PPP2R2C: variants seen among roughly 807,000 people sequenced by gnomAD.
The protein encoded by PPP2R2C is protein phosphatase 2, regulatory subunit B, gamma.
PPP2R2C carries 10 observed loss-of-function variants against 45.3 expected under a neutral mutation model. The ratio of observed to expected loss-of-function variants is 0.22; its 90% CI spans 0.14 to 0.37. The LOEUF (loss-of-function observed/expected upper bound fraction) is 0.37. Among genes scored for constraint, PPP2R2C ranks in the 10% least tolerant of loss-of-function variants. PPP2R2C has a pLI of 1.00. For synonymous variants in PPP2R2C, 257 were observed against 245.4 expected, an observed-to-expected ratio of 1.05 and a Z score of -0.44; for missense variants, 308 against 619.7, an observed-to-expected ratio of 0.50 and a Z score of 5.34.
intron 2 of PPP2R2C, among the ~76,000 whole-genome samples, chr4:6,512,490 G>T (rs942429691): frequency 8.1e-6 from 1 of 124,034 alleles, no homozygotes; most frequent in Admixed American, 8.8e-5. Context: ...TGGTGATGGT[G>T]ATGGTGGTGG....
chr4:6,459,631 C>T (rs1005590116), intron 1 of PPP2R2C, among the ~76,000 whole-genome samples: 1 of 152,142 alleles, frequency 6.6e-6, no homozygotes, highest in Non-Finnish European at 1.5e-5. Flanking sequence ...GAAGTTCAAT[C>T]TCACTGAAAA....
rs1248926651 is a variant in PPP2R2C, at chr4:6,378,915, G to A, written c.169-343C>T. ...CAGGCCTCCTCTGCTTGAGCACCAC[G>A]ACTCTCCCCATTTCACAGACCAGCA... is the stretch of plus-strand genomic sequence containing the variant. On this transcript the variant is annotated intron_variant, in intron 2 of 8. Transcript: ENST00000382599. This position sits in a 1 kb window ranked among gnomAD's most constrained non-coding sequence, Gnocchi z 5.2. Among the ~76,000 whole-genome samples, 2 of 151,500 alleles carry A rather than the reference G, an allele frequency of 1.3e-5. No homozygotes were observed. Among genetic ancestry groups the A allele is most frequent in the Non-Finnish European group, 2.9e-5 (2 of 67,930 alleles).
intron 5 of PPP2R2C, among the ~76,000 whole-genome samples, chr4:6,369,924 G>A (rs923673191): frequency 3.4e-5 from 5 of 146,466 alleles, no homozygotes; most frequent in African/African-American, 1.4e-4. Flanking sequence ...GTAGAAAGGC[G>A]TGGGGAATGA....
Position 6,348,027 on chromosome 4 carries a change from C to G in PPP2R2C, c.626-17G>C. ...CCACGATGTCTGGGGGCAGTGCGGT[C>G]AAGGAAGGGGCAGTGAAGGGCGCCC... On this transcript the variant is annotated splice_polypyrimidine_tract_variant and intron_variant, in intron 5 of 8. Coordinates refer to ENST00000382599, the MANE Select transcript of PPP2R2C (RefSeq NM_020416.4). 6.2e-7 allele frequency: 1 copy of G among 1,612,078 alleles called. No individual in the cohort carries two copies. The highest frequency in any genetic ancestry group is 8.5e-7 in the Non-Finnish European group (1 of 1,178,682).
At chr4:6,531,973 C>T (rs1724418382) in intron 2 of PPP2R2C, among the ~76,000 whole-genome samples, 1 of 152,198 alleles carries the variant, frequency 6.6e-6, no homozygotes, top group African/African-American at 2.4e-5. Flanking sequence ...GTGATAGAAC[C>T]CACCCAGTAT....
Position 6,527,367 on chromosome 4 carries a change from T to C in PPP2R2C, c.49+7904A>G, listed in dbSNP as rs1341373198. On this transcript the variant is annotated intron_variant, in intron 2 of 9. Coordinates refer to the PPP2R2C transcript ENST00000506140. ...CTGGTGTGAGATAAACCCACAGAGC[T>C]GCTGTGCACCCCTGAGCAGTGCCAG... Among the ~76,000 whole-genome samples, 6 of 152,172 alleles carry C rather than the reference T, an allele frequency of 3.9e-5. No individual in the cohort carries two copies. In the South Asian group the frequency reaches 8.3e-4, roughly 21 times the overall value.
At chr4:6,534,527 A>G (rs1258372748) in intron 2 of PPP2R2C, among the ~76,000 whole-genome samples, 1 of 151,920 alleles carries the variant, frequency 6.6e-6, no homozygotes, top group Non-Finnish European at 1.5e-5. Flanking sequence ...ATCAATAAAC[A>G]CATCAATACA....
chr4:6,537,810 A>G (rs898383073), intron 1 of PPP2R2C, among the ~76,000 whole-genome samples: 3 of 152,152 alleles, frequency 2.0e-5, no homozygotes, highest in Admixed American at 6.5e-5. Context: ...TCGGCCTCCC[A>G]AAGTGCTGGG....
intron 5 of PPP2R2C, among the ~76,000 whole-genome samples, chr4:6,370,183 T>C (rs2109290084): frequency 6.6e-6 from 1 of 152,328 alleles, no homozygotes; most frequent in South Asian, 2.1e-4. Flanking sequence ...GGACCAGGCA[T>C]GGAGGCCCGA....
intron 1 of PPP2R2C, chr4:6,383,304 A>C: frequency 7.8e-7 from 1 of 1,275,454 alleles, no homozygotes; most frequent in Non-Finnish European, 1.0e-6. Flanking sequence ...GGGCAAGCCC[A>C]GCCAAGCCCA....
At chr4:6,463,791 C>T (rs1445210072) in intron 1 of PPP2R2C, among the ~76,000 whole-genome samples, 1 of 152,208 alleles carries the variant, frequency 6.6e-6, no homozygotes, top group Non-Finnish European at 1.5e-5. Context: ...ACCACGTGTC[C>T]AATTGTGGCC....
At chr4:6,475,174 T>TGGAGATGGAGATGAAC (rs1367479048), upstream of PPP2R2C, among the ~76,000 whole-genome samples, 2 of 151,558 alleles carry the variant, frequency 1.3e-5, no homozygotes, top group East Asian at 1.9e-4. Context: ...AAGGCGGGAA[T>TGGAGATGGAGATGAAC]GGAGATGGAG....
chr4:6,357,424 G>A (rs961361528), intron 5 of PPP2R2C, among the ~76,000 whole-genome samples: 4 of 152,228 alleles, frequency 2.6e-5, no homozygotes, highest in Non-Finnish European at 4.4e-5. Context: ...CTAGCCAGAC[G>A]TAGGATTTCT....
chr4:6,562,547 C>T (rs553181448), intron 1 of PPP2R2C, among the ~76,000 whole-genome samples: 4 of 152,236 alleles, frequency 2.6e-5, no homozygotes, highest in Admixed American at 2.6e-4. Flanking sequence ...GCACCCTACC[C>T]CGGTCCACCA....
At chr4:6,483,047 GT>G (rs1722411647) in intron 2 of PPP2R2C, among the ~76,000 whole-genome samples, 1 of 151,744 alleles carries the variant, frequency 6.6e-6, no homozygotes, top group Non-Finnish European at 1.5e-5. Flanking sequence ...AACATTTTTT[GT>G]CTTTAACTAT....
At chr4:6,522,573 C>T (rs1404113746) in intron 2 of PPP2R2C, among the ~76,000 whole-genome samples, 4 of 152,362 alleles carry the variant, frequency 2.6e-5, no homozygotes, top group South Asian at 2.1e-4. Flanking sequence ...CCGGAGTCAC[C>T]GGGCATGGTG....
chr4:6,451,786 G>A (rs1294869897), intron 1 of PPP2R2C, among the ~76,000 whole-genome samples: 3 of 152,074 alleles, frequency 2.0e-5, no homozygotes, highest in African/African-American at 7.2e-5. Flanking sequence ...GGTTGTCTGG[G>A]GCCCAATAAA....
chr4:6,372,981 C>T (rs1714976498), intron 4 of PPP2R2C, among the ~76,000 whole-genome samples: 1 of 152,234 alleles, frequency 6.6e-6, no homozygotes, highest in East Asian at 1.9e-4. Flanking sequence ...CAAAAAGATA[C>T]TGTGGCAGAG....
At chr4:6,371,371 C>G (rs987472005) in intron 5 of PPP2R2C, among the ~76,000 whole-genome samples, 2 of 152,232 alleles carry the variant, frequency 1.3e-5, no homozygotes, top group Non-Finnish European at 2.9e-5. Flanking sequence ...CTCTCTTTCA[C>G]CCTTCCTGGA....
Sources: gnomAD v4.1 joint callset for allele counts (sites outside exome capture counted in the v4.1 genomes callset) on GRCh38, gnomAD v4.1.1 for gene constraint, Gnocchi (gnomAD v3.1) non-coding constraint, MANE v1.5 for transcripts, NCBI Gene and HGNC (gene_info 2026-07-23, HGNC 2026-07-21) for gene names.